The following SLC35F4 variants were observed in gnomAD, a reference collection of about 807,000 sequenced individuals.
SLC35F4 encodes solute carrier family 35 member F4, also known as chromosome 14 open reading frame 36.
Under a neutral mutation model 44.2 loss-of-function variants are expected in SLC35F4, and 24 were observed. The ratio of observed to expected loss-of-function variants is 0.54; its 90% CI spans 0.39 to 0.76. The LOEUF (loss-of-function observed/expected upper bound fraction) is 0.76. Ranked by LOEUF, SLC35F4 falls within the 30% of genes least tolerant of loss-of-function variation. The pLI is 0.00. For missense variants in SLC35F4, 562 were observed against 586.1 expected, an observed-to-expected ratio of 0.96 and a Z score of 0.42; for synonymous variants, 238 against 223.6, an observed-to-expected ratio of 1.06 and a Z score of -0.57.
intron 1 of SLC35F4, among the ~76,000 whole-genome samples, chr14:57,916,877 T>A (rs145402824): frequency 6.6e-6 from 1 of 152,334 alleles, no homozygotes; most frequent in African/African-American, 2.4e-5. Context: ...TTGTCAATCC[T>A]CAAGCTCAGG....
intron 1 of SLC35F4, among the ~76,000 whole-genome samples, chr14:57,943,447 CTT>C (rs1015317767): frequency 2.2e-4 from 33 of 152,174 alleles, no homozygotes; most frequent in Admixed American, 3.9e-4. Flanking sequence ...AAGAGAGAAA[CTT>C]TATATCATTT....
chr14:57,814,631 T>G (rs1882359263), intron 1 of SLC35F4, among the ~76,000 whole-genome samples: 1 of 152,198 alleles, frequency 6.6e-6, no homozygotes, highest in African/African-American at 2.4e-5. Flanking sequence ...AAATAATAGT[T>G]GCTGCCATGA....
intron 1 of SLC35F4, among the ~76,000 whole-genome samples, chr14:57,638,166 G>C (rs1193075741): frequency 6.6e-6 from 1 of 152,058 alleles, no homozygotes; most frequent in South Asian, 2.1e-4. Context: ...TCCACTAGCA[G>C]ACTCTGAGTA....
At chr14:57,667,484 C>A in intron 1 of SLC35F4, among the ~76,000 whole-genome samples, 1 of 139,574 alleles carries the variant, frequency 7.2e-6, no homozygotes, top group Non-Finnish European at 1.5e-5. Flanking sequence ...TCCCTCCTCC[C>A]TCCCCCGACC....
chr14:57,776,593 G>A (rs1291446919), intron 1 of SLC35F4, among the ~76,000 whole-genome samples: 2 of 148,660 alleles, frequency 1.3e-5, no homozygotes, highest in African/African-American at 5.0e-5. Flanking sequence ...TTGAACCCAG[G>A]AGGCAGAGGT....
At chr14:57,671,169 C>G (rs2074508523) in intron 1 of SLC35F4, among the ~76,000 whole-genome samples, 1 of 152,042 alleles carries the variant, frequency 6.6e-6, no homozygotes, top group Admixed American at 6.5e-5. Flanking sequence ...GCTGCAGGTG[C>G]CCATCCTCCA....
At chr14:57,745,024 A>G (rs994370176) in intron 1 of SLC35F4, among the ~76,000 whole-genome samples, 5 of 152,170 alleles carry the variant, frequency 3.3e-5, no homozygotes, top group African/African-American at 1.2e-4. Flanking sequence ...GGTGCTGGCT[A>G]GCCATATGTA....
chr14:57,801,689 T>G (rs933196546), intron 1 of SLC35F4, among the ~76,000 whole-genome samples: 3 of 152,170 alleles, frequency 2.0e-5, no homozygotes, highest in Non-Finnish European at 4.4e-5. Flanking sequence ...AATCCTAGTT[T>G]CTGACAAAAC....
rs1566889844 is a variant in SLC35F4, at chr14:57,832,464, T to A, written c.103+33259A>T. ...ACATGAGGACTATAGTTAAGAAAAT[T>A]ATATTGTATTTTTGTTAATAAATAA... On this transcript the variant is annotated intron_variant, in intron 1 of 7. Transcript: ENST00000556826. Among the ~76,000 whole-genome samples the A allele has an allele frequency of 2.0e-5, 3 of 152,186 alleles. No homozygotes were observed. In the South Asian group the frequency reaches 6.2e-4, roughly 32 times the overall value.
chr14:57,961,428 C>T (rs1890338107), intron 1 of SLC35F4, among the ~76,000 whole-genome samples: 1 of 152,088 alleles, frequency 6.6e-6, no homozygotes, highest in Non-Finnish European at 1.5e-5. Context: ...AACTGTGATT[C>T]TATGAAACCA....
intron 1 of SLC35F4, among the ~76,000 whole-genome samples, chr14:57,666,347 G>A (rs1434351453): frequency 2.6e-5 from 4 of 152,084 alleles, no homozygotes; most frequent in African/African-American, 9.6e-5. Context: ...CTTCACTGTA[G>A]GTACAACTAT....
intron 1 of SLC35F4, among the ~76,000 whole-genome samples, chr14:57,726,154 A>G (rs2076198356): frequency 6.6e-6 from 1 of 152,196 alleles, no homozygotes. Flanking sequence ...AAGGAAGAGT[A>G]TGCACGGAAT....
At chr14:57,764,953 T>C (rs1488268282) in intron 1 of SLC35F4, among the ~76,000 whole-genome samples, 1 of 152,182 alleles carries the variant, frequency 6.6e-6, no homozygotes, top group African/African-American at 2.4e-5. Context: ...TTATTGGAAA[T>C]CCTCAGCACT....
At chr14:57,595,760 G>A (rs1235981692) in intron 1 of SLC35F4, 4 of 152,130 alleles carry the variant, frequency 2.6e-5, no homozygotes, top group Non-Finnish European at 4.4e-5. Flanking sequence ...ATTCTTTTGC[G>A]TTTGAGCTCT....
At chr14:57,782,843 G>A (rs2077659770) in intron 1 of SLC35F4, among the ~76,000 whole-genome samples, 2 of 152,182 alleles carry the variant, frequency 1.3e-5, no homozygotes, top group Non-Finnish European at 2.9e-5. Context: ...GATGCTGGAA[G>A]TGCTCCCAAG....
chr14:57,839,323 C>A (rs1390218222), intron 1 of SLC35F4, among the ~76,000 whole-genome samples: 4 of 152,150 alleles, frequency 2.6e-5, no homozygotes, highest in Non-Finnish European at 5.9e-5. Flanking sequence ...TGATTCTTGA[C>A]CCGGCCTGCA....
intron 1 of SLC35F4, among the ~76,000 whole-genome samples, chr14:57,819,767 C>T (rs1882971439): frequency 1.3e-5 from 2 of 150,604 alleles, no homozygotes; most frequent in Admixed American, 6.6e-5. Context: ...GAGCCGAGAT[C>T]GCCCCATTGC....
chr14:57,912,370 A>G (rs577063472), intron 1 of SLC35F4, among the ~76,000 whole-genome samples: 1 of 150,858 alleles, frequency 6.6e-6, no homozygotes, highest in Non-Finnish European at 1.5e-5. Flanking sequence ...TATTTTTATT[A>G]ATTTTTAATA....
intron 1 of SLC35F4, among the ~76,000 whole-genome samples, chr14:57,899,606 T>C (rs893403275): frequency 6.6e-6 from 1 of 152,210 alleles, no homozygotes; most frequent in Non-Finnish European, 1.5e-5. Context: ...GAAAAGAATG[T>C]CATTGGCTTG....
Sources: allele counts gnomAD v4.1 joint callset (sites outside exome capture counted in the v4.1 genomes callset), GRCh38; gene constraint gnomAD v4.1.1; transcripts MANE v1.5; gene names NCBI Gene and HGNC (gene_info 2026-07-23, HGNC 2026-07-21).